NDUFB9: variants seen among roughly 807,000 people sequenced by gnomAD.
The protein encoded by NDUFB9 is NADH:ubiquinone oxidoreductase subunit B9.
In NDUFB9, 24 loss-of-function variants were observed where a neutral mutation model predicts 30.2. That is an observed-to-expected ratio of 0.80 (90% confidence interval 0.58 to 1.12). The LOEUF is 1.12. Ranked by LOEUF, NDUFB9 falls within the 50% of genes most tolerant of loss-of-function variation. The probability of loss-of-function intolerance (pLI) is 0.00; values close to 1 mark genes in which losing one functional copy is unlikely to be tolerated. For missense variants in NDUFB9, 204 were observed against 226.0 expected, an observed-to-expected ratio of 0.90 and a Z score of 0.62; for synonymous variants, 80 against 84.0, an observed-to-expected ratio of 0.95 and a Z score of 0.26.
At chr8:124,544,172 C>G (rs1822100532) in intron 2 of NDUFB9, among the ~76,000 whole-genome samples, 1 of 152,122 alleles carries the variant, frequency 6.6e-6, no homozygotes. Flanking sequence ...AAGCCAAAGC[C>G]TAATCCAAAG....
chr8:124,546,562 A>G (rs935282583), intron 2 of NDUFB9: 34 of 203,226 alleles, frequency 1.7e-4, no homozygotes, highest in Middle Eastern at 4.1e-3. Context: ...CTGAGACGTC[A>G]TTAAGACTTT....
intron 3 of NDUFB9, among the ~76,000 whole-genome samples, chr8:124,548,533 A>G (rs1229857886): frequency 6.6e-6 from 1 of 152,172 alleles, no homozygotes; most frequent in African/African-American, 2.4e-5. Flanking sequence ...CCAGGTGGCA[A>G]AGGCCCATTT....
rs1822293542 is a variant in NDUFB9, at chr8:124,549,760, G to C, written c.409-1G>C. 26 of 1,613,970 alleles carry C rather than the reference G, an allele frequency of 1.6e-5. No individual in the cohort carries two copies. The highest frequency in any genetic ancestry group is 2.1e-5 in the Non-Finnish European group (25 of 1,179,912). The stretch of plus-strand genomic sequence containing the variant: ...ATGATTCCTTCCTTGCCTCCTTCTA[G>C]GTTAAGCAGCTGCAGGAGGAAACGC... On this transcript the variant is annotated splice_acceptor_variant, in intron 3 of 3. Coordinates refer to ENST00000276689, the MANE Select transcript of NDUFB9 (RefSeq NM_005005.3). LOFTEE classifies it high-confidence loss of function.
intron 1 of NDUFB9, among the ~76,000 whole-genome samples, chr8:124,542,518 G>C (rs1822038227): frequency 6.6e-6 from 1 of 152,174 alleles, no homozygotes; most frequent in Admixed American, 6.5e-5. Context: ...CGTCAGCTGT[G>C]TCCTAGATTA....
At chr8:124,547,367 C>T in intron 3 of NDUFB9, 3 of 608,748 alleles carry the variant, frequency 4.9e-6, no homozygotes, top group Non-Finnish European at 8.7e-6. Flanking sequence ...CTTTGTCTGA[C>T]TTTTTTGCCT....
intron 2 of NDUFB9, among the ~76,000 whole-genome samples, chr8:124,544,448 T>TA (rs1386783638): frequency 6.6e-6 from 1 of 152,204 alleles, no homozygotes. Context: ...TGGAATAAGA[T>TA]ACCATGTAGA....
chr8:124,547,678 G>A (rs972091491), intron 3 of NDUFB9, among the ~76,000 whole-genome samples: 1 of 152,004 alleles, frequency 6.6e-6, no homozygotes, highest in Non-Finnish European at 1.5e-5. Flanking sequence ...GGATGGGGAG[G>A]AATCAAGAAT....
At chr8:124,540,407 T>C (rs1821903846) in intron 1 of NDUFB9, among the ~76,000 whole-genome samples, 1 of 152,130 alleles carries the variant, frequency 6.6e-6, no homozygotes, top group Non-Finnish European at 1.5e-5. Context: ...AAATCGATGA[T>C]GAAGGAAGTT....
intron 2 of NDUFB9, chr8:124,546,597 C>T (rs909333474): frequency 2.0e-5 from 5 of 254,876 alleles, no homozygotes; most frequent in African/African-American, 4.5e-5. Context: ...GATTTAAGGT[C>T]GTACAGTATA....
chr8:124,546,058 T>G (rs1048903584), intron 2 of NDUFB9, among the ~76,000 whole-genome samples: 1 of 152,216 alleles, frequency 6.6e-6, no homozygotes, highest in African/African-American at 2.4e-5. Flanking sequence ...GTCAGGCTGG[T>G]CTCGAACTCC....
intron 1 of NDUFB9, among the ~76,000 whole-genome samples, chr8:124,540,530 C>T (rs1271390016): frequency 6.6e-6 from 1 of 152,044 alleles, no homozygotes; most frequent in Non-Finnish European, 1.5e-5. Flanking sequence ...TAAAATATCA[C>T]ATGTACCCCA....
chr8:124,546,940 C>T, intron 2 of NDUFB9, 60 bp from the exon 3 acceptor site: 5 of 1,150,162 alleles, frequency 4.3e-6, no homozygotes, highest in Non-Finnish European at 5.3e-6. Flanking sequence ...CTGAGCAGGC[C>T]CTGTCAGGGA....
In NDUFB9 at chr8:124,539,167, C is replaced by T. The variant is rs368135521; in HGVS notation, c.-20C>T. ...GCAGTTTCCCGGCTCTCCGCGCGGC[C>T]GGGGAAGGTCAGCGCCGTAATGGCG... On this transcript the variant is annotated 5_prime_UTR_variant, in exon 1 of 4. Transcript: ENST00000276689. 28 of 1,613,938 alleles carry T rather than the reference C, an allele frequency of 1.7e-5. No individual in the cohort carries two copies. Among genetic ancestry groups the T allele is most frequent in the African/African-American group, 6.7e-5 (5 of 75,048 alleles).
At chr8:124,545,925 C>T (rs1563708348) in intron 2 of NDUFB9, among the ~76,000 whole-genome samples, 1 of 152,224 alleles carries the variant, frequency 6.6e-6, no homozygotes, top group Non-Finnish European at 1.5e-5. Context: ...TCACCGCAAC[C>T]TCCACCTCCC....
At chr8:124,541,669 T>C (rs1821995656) in intron 1 of NDUFB9, among the ~76,000 whole-genome samples, 1 of 151,716 alleles carries the variant, frequency 6.6e-6, no homozygotes, top group Admixed American at 6.6e-5. Flanking sequence ...AGTGGCGCGA[T>C]CTTGGCTCAC....
At chr8:124,543,497 G>C (rs1010195534) in intron 2 of NDUFB9, among the ~76,000 whole-genome samples, 4 of 152,174 alleles carry the variant, frequency 2.6e-5, no homozygotes, top group African/African-American at 9.7e-5. Context: ...GCAACCCCGT[G>C]CTGAGCAAGT....
chr8:124,545,400 C>G (rs556715790), intron 2 of NDUFB9, among the ~76,000 whole-genome samples: 5 of 152,302 alleles, frequency 3.3e-5, no homozygotes, highest in Admixed American at 6.5e-5. Context: ...GCCAAAGCCA[C>G]TCCAGCCTTT....
Position 124,542,413 on chromosome 8 carries a change from A to T in NDUFB9, c.102-674A>T, listed in dbSNP as rs1162262496. 2.0e-5 allele frequency among the ~76,000 whole-genome samples: 3 copies of T among 152,194 alleles called. No individual in the cohort carries two copies. The East Asian group carries it at 5.8e-4, about 29-fold the overall frequency. On this transcript the variant is annotated intron_variant, in intron 1 of 3. Coordinates refer to ENST00000276689, the MANE Select transcript of NDUFB9 (RefSeq NM_005005.3). ...AGTGGCAGAGCTAAGATTCAGGCCC[A>T]TACAGTCTGACTGGAGAGCCTATTC...
At chr8:124,549,716 C>T (rs780440327) in intron 3 of NDUFB9, 45 bp from the exon 4 acceptor site, 4 of 1,588,366 alleles carry the variant, frequency 2.5e-6, no homozygotes, top group Middle Eastern at 1.7e-4. Context: ...TTTTTATAGT[C>T]AATTAGATTC....
Sources: gnomAD v4.1 joint callset for allele counts (sites outside exome capture counted in the v4.1 genomes callset) on GRCh38, gnomAD v4.1.1 for gene constraint, MANE v1.5 for transcripts, NCBI Gene and HGNC (gene_info 2026-07-23, HGNC 2026-07-21) for gene names.